Variants in IARS1 observed in about 807,000 individuals in gnomAD.
IARS1 encodes isoleucyl-tRNA synthetase 1.
In IARS1, 124 loss-of-function variants were observed where a neutral mutation model predicts 168.2. That is an observed-to-expected ratio of 0.74 (90% CI 0.64 to 0.86). The LOEUF (loss-of-function observed/expected upper bound fraction) is 0.86. Among genes scored for constraint, IARS1 ranks in the 40% least tolerant of loss-of-function variants. The pLI, the probability that IARS1 is intolerant of heterozygous loss-of-function variation, is 0.00. For missense variants in IARS1, 1,452 were observed against 1,515.8 expected (o/e 0.96, Z 0.70); for synonymous variants, 532 against 529.4 (o/e 1.00, Z -0.07).
At chr9:92,252,466 T>G (rs1225521702) in intron 21 of IARS1, 1 of 482,782 alleles carries the variant, frequency 2.1e-6, no homozygotes, top group East Asian at 5.8e-5. Flanking sequence ...TTATTATTAA[T>G]GCCTTTTAAG....
chr9:92,250,157 G>T, intron 24 of IARS1, 30 bp downstream of exon 24: 2 of 1,328,882 alleles, frequency 1.5e-6, no homozygotes, highest in Non-Finnish European at 2.2e-6. Flanking sequence ...TTAGGTCTGT[G>T]CCATGTAAAA....
chr9:92,229,034 T>G lies in IARS1; in HGVS notation c.3376A>C (p.Asn1126His). 1 of 1,614,120 alleles carries G rather than the reference T, an allele frequency of 6.2e-7. No individual in the cohort carries two copies. The highest frequency in any genetic ancestry group is 1.3e-5 in the African/African-American group (1 of 75,038). The change falls in exon 31 of 34, where the codon AAT (asparagine) becomes CAT (histidine). Residue 1126 changes from asparagine (N) to histidine (H), a missense_variant. Physicochemically the swap from Asn to His is moderately conservative, Grantham distance 68. Transcript: ENST00000443024. ...SVVTSIFGVK[N>H]TELAVFHDET... ...TCATGGAAGACAGCCAGCTCTGTAT[T>G]TTTCACACCAAAAATGCTAGTGACA...
In IARS1 at chr9:92,278,211, T is replaced by C. The variant is rs113794827; in HGVS notation, c.821A>G (p.Glu274Gly). Residue 274 changes from glutamate to glycine, a missense_variant, in exon 8 of 34, where the codon GAG becomes GGG. Physicochemically the swap from Glu to Gly is moderately conservative, Grantham distance 98 (BLOSUM62 -2). Transcript: ENST00000443024. ...TTTGAATATTCACCTTTCAAGGATC[T>C]CATAGTCACTCTCCAATTTATAGAG... ...SALYKLESDY[E>G]ILERFPGAYL... The C allele has an allele frequency of 1.3e-6, 2 of 1,597,040 alleles. No individual in the cohort carries two copies. Among genetic ancestry groups the C allele is most frequent in the African/African-American group, 2.7e-5 (2 of 74,750 alleles).
At chr9:92,222,240 T>C (rs952081638) in intron 33 of IARS1, among the ~76,000 whole-genome samples, 4 of 145,710 alleles carry the variant, frequency 2.7e-5, no homozygotes, top group Non-Finnish European at 4.5e-5. Context: ...TCCTTGTTCC[T>C]GGGTTGAAGC....
At chr9:92,282,688 T>C (rs1834800222) in intron 6 of IARS1, among the ~76,000 whole-genome samples, 1 of 152,048 alleles carries the variant, frequency 6.6e-6, no homozygotes. Flanking sequence ...GAGGATCACT[T>C]GAACCCAGGA....
chr9:92,267,454 T>A (rs1832439407), intron 14 of IARS1, among the ~76,000 whole-genome samples: 2 of 152,190 alleles, frequency 1.3e-5, no homozygotes, highest in African/African-American at 2.4e-5. Flanking sequence ...GTATAGTAAG[T>A]CCTCGCCTGA....
At position 92,242,187 on chromosome 9, in the gene IARS1, T is replaced by C; in HGVS notation, c.3144A>G (p.Pro1048=). The stretch of plus-strand genomic sequence containing the variant: ...TTTCTTGAATAAGGACTTTATCCGA[T>C]GGAGAAACTGGATATGGTTTCAAGG... The part of the protein sequence containing the change: ...KAPLKPYPVS[P]SDKVLIQEKT... Residue 1048 remains proline (P), a synonymous_variant, in exon 29 of 34, where the codon CCA becomes CCG. Transcript: ENST00000443024. The C allele has an allele frequency of 1.9e-6, 3 of 1,614,038 alleles. No homozygotes were observed. Among genetic ancestry groups the C allele is most frequent in the South Asian group, 2.2e-5 (2 of 91,060 alleles).
rs999929365 is a variant in IARS1 at position 92,267,581 on chromosome 9, A to G, written c.1431+593T>C. The stretch of plus-strand genomic sequence containing the variant: ...ATTATGTTGCCTAGGCTGGTCTCAA[A>G]TATCTGGTCTCAAGCGATCCTCCTG... On this transcript the variant is annotated intron_variant, in intron 14 of 33. Transcript: ENST00000443024. Among the ~76,000 whole-genome samples, 15 of 152,112 alleles carry G rather than the reference A, an allele frequency of 9.9e-5. 1 individual carries two copies. The highest frequency in any genetic ancestry group is 3.6e-4 in the African/African-American group (15 of 41,420).
intron 33 of IARS1, 46 bp downstream of exon 33, chr9:92,222,474 C>G (rs1839813556): frequency 6.4e-7 from 1 of 1,554,444 alleles, no homozygotes; most frequent in Non-Finnish European, 8.8e-7. Flanking sequence ...GCATCAAAAT[C>G]TACTTTCAAC....
chr9:92,228,574 A>C (rs1191379705), intron 31 of IARS1, among the ~76,000 whole-genome samples: 1 of 83,624 alleles, frequency 1.2e-5, no homozygotes, highest in Non-Finnish European at 2.0e-5. Flanking sequence ...TTAGCCAAGC[A>C]TGGTGGTGGC....
At position 92,288,251 on chromosome 9, in the gene IARS1, T is replaced by C; in HGVS notation, c.151A>G (p.Thr51Ala). 2 of 1,614,052 alleles carry C rather than the reference T, an allele frequency of 1.2e-6. No individual in the cohort carries two copies. The highest frequency in any genetic ancestry group is 1.7e-6 in the Non-Finnish European group (2 of 1,179,960). Residue 51 changes from threonine to alanine, a missense_variant, in exon 3 of 34, where the codon ACT becomes GCT. Coordinates refer to ENST00000443024, the MANE Select transcript of IARS1 (RefSeq NM_002161.6). ...ATATGTCCATAGTGAGGCAGTCCAGTTGCAAAAGGAGGACCATCATAGAAG... is the reference window on the plus strand; with the variant it reads ...ATATGTCCATAGTGAGGCAGTCCAGCTGCAAAAGGAGGACCATCATAGAAG... Reference protein sequence around the residue: ...FTFYDGPPFATGLPHYGHILA... With the variant: ...FTFYDGPPFAAGLPHYGHILA...
In IARS1 at chr9:92,258,959, G is replaced by T. The variant is rs1831135312; in HGVS notation, c.1911C>A (p.Asn637Lys). Residue 637 changes from asparagine (N) to lysine (K), a missense_variant, in exon 19 of 34, where the codon AAC becomes AAA. Coordinates refer to ENST00000443024, the MANE Select transcript of IARS1 (RefSeq NM_002161.6). ...GCACACCCTCTTCTTTAAAGCGGAG[G>T]TTTTCTGCTCTCACCACAGGGGAGT... Reference protein sequence around the residue: ...LINSPVVRAENLRFKEEGVRD... With the variant: ...LINSPVVRAEKLRFKEEGVRD... 1 of 1,613,634 alleles carries T rather than the reference G, an allele frequency of 6.2e-7. No individual in the cohort carries two copies. Among genetic ancestry groups the T allele is most frequent in the Admixed American group, 1.7e-5 (1 of 59,886 alleles).
rs968158777 is a variant in IARS1, at chr9:92,210,763, T to A, written c.*44A>T. On this transcript the variant is annotated 3_prime_UTR_variant, in exon 34 of 34. Coordinates refer to ENST00000443024, the MANE Select transcript of IARS1 (RefSeq NM_002161.6). ...TGTGCATGTATGTGTAGGGGATAGG[T>A]GTAATTAGGGAAGGGCTGACCGAAC... 9.1e-7 allele frequency: 1 copy of A among 1,104,436 alleles called. No homozygotes were observed. The highest frequency in any genetic ancestry group is 1.2e-5 in the South Asian group (1 of 80,694). The allele number at this position is 1,104,436 out of a possible 1,614,324, so 68.4% of individuals were successfully genotyped here. A position where few individuals can be genotyped will look rare whatever the true frequency, so the allele number is the denominator to read the frequency against.
intron 30 of IARS1, among the ~76,000 whole-genome samples, chr9:92,231,414 CTTT>C (rs869062848): frequency 3.0e-5 from 4 of 135,110 alleles, no homozygotes; most frequent in African/African-American, 2.7e-5. Context: ...TTATTTTTTT[CTTT>C]TTTTTTTTTT....
intron 31 of IARS1, among the ~76,000 whole-genome samples, chr9:92,225,330 T>C (rs1440548187): frequency 6.6e-6 from 1 of 152,242 alleles, no homozygotes; most frequent in Non-Finnish European, 1.5e-5. Context: ...TGTGGCATTA[T>C]GTATTAATAT....
chr9:92,213,264 T>C (rs1838070485), intron 33 of IARS1, among the ~76,000 whole-genome samples: 1 of 152,142 alleles, frequency 6.6e-6, no homozygotes. Flanking sequence ...GCCTCCGGTA[T>C]ATACAAACCG....
intron 14 of IARS1, among the ~76,000 whole-genome samples, chr9:92,267,463 G>A (rs777628964): frequency 2.0e-5 from 3 of 152,212 alleles, no homozygotes; most frequent in Non-Finnish European, 4.4e-5. Context: ...GTCCTCGCCT[G>A]ATGTCATTGA....
Position 92,253,433 on chromosome 9 carries a change from C to A in IARS1, c.2158G>T (p.Val720Leu). ...EMAAYRLYTV[V>L]PRLVKFVDIL... ...TCTACAAACTTGACCAGGCGAGGCA[C>A]CACAGTATAAAGCCTATAAGCTAAA... Residue 720 changes from valine to leucine, a missense_variant, in exon 21 of 34, where the codon GTG becomes TTG. Val to Leu is a conservative substitution (Grantham distance 32, BLOSUM62 1). Coordinates refer to ENST00000443024, the MANE Select transcript of IARS1 (RefSeq NM_002161.6). 6.2e-7 allele frequency: 1 copy of A among 1,613,110 alleles called. No homozygotes were observed. Among genetic ancestry groups the A allele is most frequent in the South Asian group, 1.1e-5 (1 of 91,064 alleles).
intron 33 of IARS1, among the ~76,000 whole-genome samples, chr9:92,211,915 G>C (rs945337635): frequency 6.6e-6 from 1 of 152,014 alleles, no homozygotes; most frequent in African/African-American, 2.4e-5. Context: ...CGAAAACTCT[G>C]AGCATCCAAA....
Sources: gnomAD v4.1 joint callset for allele counts (sites outside exome capture counted in the v4.1 genomes callset) on GRCh38, gnomAD v4.1.1 for gene constraint, MANE v1.5 for transcripts, NCBI Gene and HGNC (gene_info 2026-07-23, HGNC 2026-07-21) for gene names.